Variants in RASGRF1 observed in about 807,000 individuals in gnomAD.
The protein encoded by RASGRF1 is ras-specific guanine nucleotide-releasing factor 1.
RASGRF1 carries 40 observed loss-of-function variants against 138.7 expected under a neutral mutation model. The observed-to-expected ratio is 0.29, with a 90% CI of 0.22 to 0.38. The LOEUF (loss-of-function observed/expected upper bound fraction) is 0.38. Ranked by LOEUF, RASGRF1 falls within the 10% of genes least tolerant of loss-of-function variation. RASGRF1 has a pLI of 1.00. For synonymous variants in RASGRF1, 614 were observed against 663.2 expected, an observed-to-expected ratio of 0.93 and a Z score of 1.14; for missense variants, 1,108 against 1,650.4, an observed-to-expected ratio of 0.67 and a Z score of 5.69.
intron 1 of RASGRF1, among the ~76,000 whole-genome samples, chr15:79,087,265 T>G (rs1033599408): frequency 6.6e-6 from 1 of 152,220 alleles, no homozygotes; most frequent in Non-Finnish European, 1.5e-5. Flanking sequence ...GACAGTCAGC[T>G]TCTAGGTTGA....
chr15:79,039,263 C>T (rs1193509583), intron 5 of RASGRF1, among the ~76,000 whole-genome samples: 2 of 132,906 alleles, frequency 1.5e-5, no homozygotes, highest in Non-Finnish European at 3.0e-5. Flanking sequence ...CATCACTGCA[C>T]TCCAGCCTGG....
At chr15:78,968,280 T>TGTGTGTGTGTGTG (rs1567417655) in intron 26 of RASGRF1, among the ~76,000 whole-genome samples, 2 of 65,512 alleles carry the variant, frequency 3.1e-5, no homozygotes, top group African/African-American at 1.4e-4. Flanking sequence ...GTGTGTGTGT[T>TGTGTGTGTGTGTG]TTATTTTTAG....
At chr15:79,081,698 G>C (rs1476549741) in intron 1 of RASGRF1, among the ~76,000 whole-genome samples, 3 of 152,156 alleles carry the variant, frequency 2.0e-5, no homozygotes. Context: ...GTCACTGTCT[G>C]TTCACAGGCT....
chr15:78,997,940 C>T, intron 19 of RASGRF1, 156 bp downstream of exon 19: 2 of 633,816 alleles, frequency 3.2e-6, no homozygotes, highest in South Asian at 3.7e-5. Flanking sequence ...AGCCTGCCCC[C>T]AAGAGCTCAC....
intron 11 of RASGRF1, among the ~76,000 whole-genome samples, chr15:79,018,308 G>A (rs1008023071): frequency 6.6e-5 from 10 of 152,256 alleles, no homozygotes; most frequent in Non-Finnish European, 1.3e-4. Context: ...GGTGGTTCTG[G>A]GGCCAAATGA....
At chr15:78,976,989 G>A (rs1348152858) in intron 24 of RASGRF1, among the ~76,000 whole-genome samples, 2 of 152,216 alleles carry the variant, frequency 1.3e-5, no homozygotes, top group Non-Finnish European at 2.9e-5. Context: ...TCCCATGCTG[G>A]TGACACCTGG....
chr15:79,090,367 G>A lies in RASGRF1; in HGVS notation c.132C>T (p.Phe44=), dbSNP rs548525610. The change falls in exon 1 of 27, where the codon TTC becomes TTT. Residue 44 remains phenylalanine, a synonymous_variant. Transcript: ENST00000558480. ...AGAAGAGCAGGTTCTGCAGCAGCGC[G>A]AACCACTTGGTTTGCCATTTTGTGT... The part of the protein sequence containing the change: ...SDNTKWQTKW[F]ALLQNLLFYF... 10 of 1,613,824 alleles carry A rather than the reference G, an allele frequency of 6.2e-6. No individual in the cohort carries two copies. In the Admixed American group the frequency reaches 6.7e-5, roughly 11 times the overall value.
chr15:79,012,682 CG>C (rs2056819080), intron 13 of RASGRF1, among the ~76,000 whole-genome samples: 1 of 151,806 alleles, frequency 6.6e-6, no homozygotes, highest in South Asian at 2.1e-4. Context: ...TTGTTTCATC[CG>C]CACTCTCTCT....
At chr15:79,062,476 C>T (rs56975391) in intron 2 of RASGRF1, among the ~76,000 whole-genome samples, 12,023 of 152,268 alleles carry the variant, frequency 0.079, 577 homozygotes, top group East Asian at 0.15. Context: ...TATTCAAGAT[C>T]CAGTTATGGT....
chr15:79,051,888 G>C (rs866149609), intron 3 of RASGRF1, among the ~76,000 whole-genome samples: 1 of 152,176 alleles, frequency 6.6e-6, no homozygotes, highest in Non-Finnish European at 1.5e-5. Flanking sequence ...AGCCAATATC[G>C]GGATGGTGGT....
intron 1 of RASGRF1, among the ~76,000 whole-genome samples, chr15:79,065,590 G>A (rs2057668732): frequency 6.6e-6 from 1 of 152,114 alleles, no homozygotes; most frequent in Non-Finnish European, 1.5e-5. Flanking sequence ...CGCATGCAGA[G>A]GGATTCGTCG....
chr15:78,972,799 G>A (rs929542869), intron 25 of RASGRF1, among the ~76,000 whole-genome samples: 2 of 152,146 alleles, frequency 1.3e-5, no homozygotes, highest in Non-Finnish European at 2.9e-5. Flanking sequence ...CTTATCCCAA[G>A]TTCTAGATTT....
chr15:79,013,989 TTAAACAACC>T (rs2056839531), intron 13 of RASGRF1, among the ~76,000 whole-genome samples: 1 of 152,180 alleles, frequency 6.6e-6, no homozygotes, highest in Non-Finnish European at 1.5e-5. Context: ...ATGTTATATT[TTAAACAACC>T]TAATACAGAA....
intron 12 of RASGRF1, among the ~76,000 whole-genome samples, chr15:79,015,934 A>G (rs2056872282): frequency 6.6e-6 from 1 of 152,184 alleles, no homozygotes; most frequent in African/African-American, 2.4e-5. Flanking sequence ...TGAAGAGTCC[A>G]TGGGTGTGGG....
At chr15:79,049,395 G>T in intron 4 of RASGRF1, 101 bp downstream of exon 4, 1 of 1,092,758 alleles carries the variant, frequency 9.2e-7, no homozygotes, top group Non-Finnish European at 1.4e-6. Context: ...TGGGGGGCAC[G>T]CTCTGAGGAC....
chr15:78,995,602 T>G (rs2141674985), intron 20 of RASGRF1, 138 bp downstream of exon 20: 1 of 1,101,544 alleles, frequency 9.1e-7, no homozygotes, highest in African/African-American at 1.5e-5. Context: ...TCCTGTTGTT[T>G]TAAGCCGCCC....
At chr15:79,090,104 C>T (rs1051936563) in intron 1 of RASGRF1, 119 bp downstream of exon 1, 2 of 1,339,194 alleles carry the variant, frequency 1.5e-6, no homozygotes, top group Non-Finnish European at 2.0e-6. Context: ...GTGCAGAGAG[C>T]GCCTAGGGCG....
intron 4 of RASGRF1, 79 bp downstream of exon 4, chr15:79,049,417 G>A (rs1000541897): frequency 4.5e-6 from 6 of 1,329,304 alleles, no homozygotes; most frequent in Admixed American, 1.9e-5. Context: ...GTGGGGCTGT[G>A]GTGTGGATAC....
At chr15:79,080,326 A>G (rs1232588922) in intron 1 of RASGRF1, among the ~76,000 whole-genome samples, 1 of 152,174 alleles carries the variant, frequency 6.6e-6, no homozygotes, top group Non-Finnish European at 1.5e-5. Flanking sequence ...CCACTAGTGC[A>G]GTGAGGGGGC....
Sources: allele counts gnomAD v4.1 joint callset (sites outside exome capture counted in the v4.1 genomes callset), GRCh38; gene constraint gnomAD v4.1.1; transcripts MANE v1.5; gene names NCBI Gene and HGNC (gene_info 2026-07-23, HGNC 2026-07-21).